Variants in PTPRO observed in about 807,000 individuals in gnomAD.
PTPRO encodes the protein protein tyrosine phosphatase receptor type O.
In PTPRO, 62 loss-of-function variants were observed where a neutral mutation model predicts 145.2. The ratio of observed to expected loss-of-function variants is 0.43; its 90% CI spans 0.35 to 0.53. PTPRO has a LOEUF of 0.53. Among genes scored for constraint, PTPRO ranks in the 20% least tolerant of loss-of-function variants. PTPRO has a pLI of 0.01. For missense variants in PTPRO, 1,345 were observed against 1,482.7 expected (o/e 0.91, Z 1.53); for synonymous variants, 565 against 514.7 (o/e 1.10, Z -1.32).
At chr12:15,485,286 C>A (rs1394011015) in intron 2 of PTPRO, among the ~76,000 whole-genome samples, 1 of 152,020 alleles carries the variant, frequency 6.6e-6, no homozygotes, top group Non-Finnish European at 1.5e-5. Context: ...GGCATAGACC[C>A]AAGACCTTCA....
At chr12:15,504,167 A>G in intron 6 of PTPRO, 98 bp downstream of exon 6, 1 of 1,318,436 alleles carries the variant, frequency 7.6e-7, no homozygotes, top group Non-Finnish European at 1.1e-6. Flanking sequence ...CACAAACCTT[A>G]GGGATGATGA....
chr12:15,351,721 T>G (rs1352902325), intron 1 of PTPRO, among the ~76,000 whole-genome samples: 2 of 152,200 alleles, frequency 1.3e-5, no homozygotes, highest in African/African-American at 4.8e-5. Flanking sequence ...GAACAAAAAA[T>G]TAATCCCTTT....
At chr12:15,438,320 C>T (rs529917119) in intron 1 of PTPRO, among the ~76,000 whole-genome samples, 10 of 152,174 alleles carry the variant, frequency 6.6e-5, no homozygotes, top group Admixed American at 3.9e-4. Context: ...TGTAGTGAAA[C>T]CACCAAAAGA....
chr12:15,587,030 G>T lies in PTPRO; in HGVS notation c.3389G>T (p.Gly1130Val), dbSNP rs774584037. ...CGACAGCAAGCTACCAAGAGCAAAG[G>T]TCCCATGATCATTCACTGCAGGTAA... is the stretch of plus-strand genomic sequence containing the variant. Reference protein sequence around the residue: ...MVRQQATKSKGPMIIHCSAGV... With the variant: ...MVRQQATKSKVPMIIHCSAGV... The change falls in exon 24 of 27, where the codon GGT becomes GTT. Residue 1130 changes from glycine to valine, a missense_variant. Gly to Val is a moderately radical substitution (Grantham distance 109). Transcript: ENST00000281171. The T allele has an allele frequency of 6.2e-7, 1 of 1,614,036 alleles. No homozygotes were observed. The highest frequency in any genetic ancestry group is 2.2e-5 in the East Asian group (1 of 44,846).
chr12:15,396,468 G>GA (rs5796633), intron 1 of PTPRO, among the ~76,000 whole-genome samples: 15 of 151,796 alleles, frequency 9.9e-5, no homozygotes, highest in East Asian at 1.9e-4. Context: ...TGGAGTTATT[G>GA]AAAAAAAATT....
chr12:15,455,932 C>T (rs868338974), intron 1 of PTPRO, among the ~76,000 whole-genome samples: 1 of 152,164 alleles, frequency 6.6e-6, no homozygotes, highest in South Asian at 2.1e-4. Context: ...GTGCAGCAAA[C>T]CACCATGGTA....
chr12:15,512,604 A>G lies in PTPRO; in HGVS notation c.1465-2894A>G, dbSNP rs144566807. 5.3e-3 allele frequency among the ~76,000 whole-genome samples: 814 copies of G among 152,344 alleles called. 5 individuals are homozygous for G. The highest frequency in any genetic ancestry group is 0.01 in the Middle Eastern group (3 of 294). ...TGAGCAATTTTTACAATAAGCATAT[A>G]TGTTGTATCATATAAAGTGTATTTT... On this transcript the variant is annotated intron_variant, in intron 7 of 26. Coordinates refer to ENST00000281171, the MANE Select transcript of PTPRO (RefSeq NM_030667.3).
chr12:15,498,231 G>C (rs371177264), intron 3 of PTPRO, among the ~76,000 whole-genome samples: 107 of 152,286 alleles, frequency 7.0e-4, no homozygotes, highest in South Asian at 3.7e-3. Flanking sequence ...TTCTTCAATG[G>C]ATTTAGTTTT....
chr12:15,336,859 C>T (rs539176516), intron 1 of PTPRO, among the ~76,000 whole-genome samples: 68 of 152,284 alleles, frequency 4.5e-4, no homozygotes, highest in African/African-American at 1.5e-3. Flanking sequence ...GTTGGGATAC[C>T]ATTCTCCTAC....
At chr12:15,388,923 GA>G (rs544965026) in intron 1 of PTPRO, among the ~76,000 whole-genome samples, 22 of 146,418 alleles carry the variant, frequency 1.5e-4, no homozygotes, top group South Asian at 4.3e-4. Context: ...CTCCATTCTA[GA>G]AAAAAAAAAT....
chr12:15,397,169 CTAATTA>C (rs1939364097), intron 1 of PTPRO, among the ~76,000 whole-genome samples: 1 of 152,100 alleles, frequency 6.6e-6, no homozygotes, highest in African/African-American at 2.4e-5. Flanking sequence ...ACATTTATTT[CTAATTA>C]TATTTGCTTT....
At chr12:15,513,142 A>AG (rs1555171487) in intron 7 of PTPRO, among the ~76,000 whole-genome samples, 1 of 31,494 alleles carries the variant, frequency 3.2e-5, no homozygotes, top group African/African-American at 1.1e-4. Context: ...GAAGGAAGGA[A>AG]GAAAGAAAGA....
In PTPRO at chr12:15,498,419, G is replaced by A. The variant is rs191588988; in HGVS notation, c.508+1016G>A. ...AAACATACAAAAAATCTAGCCGGGC[G>A]TGGTGGCGGGCGCCTGTAGTCCCAG... On this transcript the variant is annotated intron_variant, in intron 3 of 26. Coordinates refer to ENST00000281171, the MANE Select transcript of PTPRO (RefSeq NM_030667.3). Among the ~76,000 whole-genome samples, 171 of 152,174 alleles carry A rather than the reference G, an allele frequency of 1.1e-3. 2 individuals carry two copies. The highest frequency in any genetic ancestry group is 7.1e-4 in the Non-Finnish European group (48 of 68,008).
chr12:15,501,268 A>G (rs1341991278), intron 4 of PTPRO, among the ~76,000 whole-genome samples: 1 of 78,956 alleles, frequency 1.3e-5, no homozygotes, highest in Non-Finnish European at 2.6e-5. Flanking sequence ...ATAAAAATCC[A>G]GGAACAGAGA....
At chr12:15,440,387 G>T (rs1940729903) in intron 1 of PTPRO, 2 of 338,944 alleles carry the variant, frequency 5.9e-6, no homozygotes, top group Non-Finnish European at 1.1e-5. Flanking sequence ...TGAGGCTCCA[G>T]CTGTGGCTAC....
chr12:15,360,961 CAT>C (rs1259191749), intron 1 of PTPRO, among the ~76,000 whole-genome samples: 2 of 145,290 alleles, frequency 1.4e-5, no homozygotes, highest in Non-Finnish European at 3.0e-5. Flanking sequence ...TATACACACA[CAT>C]ATATACACAC....
chr12:15,576,752 G>T (rs1944194277), intron 19 of PTPRO, among the ~76,000 whole-genome samples: 1 of 152,160 alleles, frequency 6.6e-6, no homozygotes, highest in East Asian at 1.9e-4. Context: ...AAGGTGTGGA[G>T]AAATTACTAG....
intron 1 of PTPRO, among the ~76,000 whole-genome samples, chr12:15,332,985 C>T (rs1467565180): frequency 6.6e-6 from 1 of 152,184 alleles, no homozygotes; most frequent in Non-Finnish European, 1.5e-5. Context: ...TCCTCCATCA[C>T]ACAACTTTAA....
In PTPRO at chr12:15,433,720, C is replaced by T. The variant is rs149934622; in HGVS notation, c.76-50254C>T. Among the ~76,000 whole-genome samples, 142 of 152,246 alleles carry T rather than the reference C, an allele frequency of 9.3e-4. No individual in the cohort carries two copies. In the East Asian group the frequency reaches 0.025, roughly 27 times the overall value. On this transcript the variant is annotated intron_variant, in intron 1 of 26. Transcript: ENST00000281171. ...TATTCTGTTCCTTTGGTTTACATAT[C>T]TGTTTTTGTACCAATACCATGCTGC... is the stretch of plus-strand genomic sequence containing the variant.
Sources: gnomAD v4.1 joint callset for allele counts (sites outside exome capture counted in the v4.1 genomes callset) on GRCh38, gnomAD v4.1.1 for gene constraint, MANE v1.5 for transcripts, NCBI Gene and HGNC (gene_info 2026-07-23, HGNC 2026-07-21) for gene names.